The following NKAIN3 variants were observed in gnomAD, a reference collection of about 807,000 sequenced individuals.
The protein encoded by NKAIN3 is sodium/potassium transporting ATPase interacting 3.
A neutral mutation model predicts 30.2 loss-of-function variants in NKAIN3; 25 were observed. That is an observed-to-expected ratio of 0.83 (90% CI 0.60 to 1.16). The LOEUF is 1.16. Among genes scored for constraint, NKAIN3 ranks in the 50% most tolerant of loss-of-function variants. NKAIN3 has a pLI of 0.00. For synonymous variants in NKAIN3, 91 were observed against 89.6 expected (o/e 1.02, Z -0.09); for missense variants, 225 against 254.1 (o/e 0.89, Z 0.78).
At chr8:62,534,365 C>A (rs933592073) in intron 1 of NKAIN3, among the ~76,000 whole-genome samples, 1 of 152,128 alleles carries the variant, frequency 6.6e-6, no homozygotes, top group Non-Finnish European at 1.5e-5. Context: ...ACAGGTCACC[C>A]GCTGAGCTGA....
intron 1 of NKAIN3, among the ~76,000 whole-genome samples, chr8:62,373,976 G>T (rs1187703952): frequency 1.3e-5 from 2 of 151,810 alleles, no homozygotes; most frequent in African/African-American, 4.8e-5. Context: ...AGCCAGGCGT[G>T]GTGGCAGGCG....
chr8:62,890,681 GA>G (rs1397224104), intron 4 of NKAIN3, among the ~76,000 whole-genome samples: 2 of 152,152 alleles, frequency 1.3e-5, no homozygotes, highest in African/African-American at 2.4e-5. Context: ...CTCTTGGAAT[GA>G]ACCTGCTTGC....
At chr8:62,853,856 T>G (rs1819984535) in intron 4 of NKAIN3, among the ~76,000 whole-genome samples, 1 of 152,180 alleles carries the variant, frequency 6.6e-6, no homozygotes, top group Non-Finnish European at 1.5e-5. Flanking sequence ...ATTTCTCTCT[T>G]GACACTGCTT....
intron 5 of NKAIN3, among the ~76,000 whole-genome samples, chr8:62,943,752 A>G (rs1339390607): frequency 6.8e-6 from 1 of 147,928 alleles, no homozygotes. Context: ...ATTTATATTT[A>G]TATGATATAT....
At chr8:62,310,484 G>A (rs1289417985) in intron 1 of NKAIN3, among the ~76,000 whole-genome samples, 1 of 150,630 alleles carries the variant, frequency 6.6e-6, no homozygotes, top group East Asian at 1.9e-4. Flanking sequence ...TATTTAGAAC[G>A]TAATGTGTAT....
chr8:62,640,282 C>T (rs1812268733), intron 3 of NKAIN3, among the ~76,000 whole-genome samples: 1 of 151,958 alleles, frequency 6.6e-6, no homozygotes, highest in South Asian at 2.1e-4. Flanking sequence ...GGCGGTTTCC[C>T]CCATGCTCTT....
At chr8:62,601,634 A>C (rs1033822151) in intron 3 of NKAIN3, among the ~76,000 whole-genome samples, 5 of 152,076 alleles carry the variant, frequency 3.3e-5, no homozygotes, top group Non-Finnish European at 7.4e-5. Flanking sequence ...TGGTGGTGGT[A>C]GTGGCTGTGA....
chr8:62,917,703 A>G (rs1822150109), intron 4 of NKAIN3, among the ~76,000 whole-genome samples: 1 of 152,178 alleles, frequency 6.6e-6, no homozygotes, highest in Admixed American at 6.5e-5. Flanking sequence ...TATTTTTCAT[A>G]CCTATTGAAG....
At chr8:62,479,921 T>A (rs1331957447) in intron 1 of NKAIN3, among the ~76,000 whole-genome samples, 1 of 152,138 alleles carries the variant, frequency 6.6e-6, no homozygotes, top group East Asian at 1.9e-4. Flanking sequence ...GGTAAAAGAA[T>A]AGGAAAAAAT....
rs145331737 is a variant in NKAIN3, at chr8:62,316,931, G to A, written c.54+67804G>A. Among the ~76,000 whole-genome samples, 1,291 of 152,192 alleles carry A rather than the reference G, an allele frequency of 8.5e-3. 24 individuals carry two copies. The highest frequency in any genetic ancestry group is 0.035 in the Admixed American group (541 of 15,290). ...TTCTTATTTCCCCACATCCTTTCCA[G>A]CACCTGTTGTTTCCTGACTTTTTAA... On this transcript the variant is annotated intron_variant, in intron 1 of 6. Coordinates refer to ENST00000623646, the MANE Select transcript of NKAIN3 (RefSeq NM_001304533.3).
At chr8:62,623,289 A>G (rs535123585) in intron 3 of NKAIN3, among the ~76,000 whole-genome samples, 16 of 152,210 alleles carry the variant, frequency 1.1e-4, no homozygotes, top group African/African-American at 3.8e-4. Flanking sequence ...TAAACAACCT[A>G]AGATCAGGAA....
intron 3 of NKAIN3, among the ~76,000 whole-genome samples, chr8:62,599,935 A>T (rs2130142374): frequency 6.6e-6 from 1 of 152,120 alleles, no homozygotes; most frequent in South Asian, 2.1e-4. Flanking sequence ...AAGTTACAAG[A>T]CTTGAAATAA....
At chr8:62,353,589 G>T (rs761729361) in intron 1 of NKAIN3, among the ~76,000 whole-genome samples, 2 of 152,014 alleles carry the variant, frequency 1.3e-5, no homozygotes, top group African/African-American at 4.8e-5. Context: ...TTATAGCCTC[G>T]CCTATTTCAC....
At chr8:62,989,595 G>A (rs997720390), downstream of NKAIN3, among the ~76,000 whole-genome samples, 1 of 152,116 alleles carries the variant, frequency 6.6e-6, no homozygotes, top group African/African-American at 2.4e-5. Context: ...AATCTAAGAT[G>A]AGATTTGGGT....
intron 3 of NKAIN3, among the ~76,000 whole-genome samples, chr8:62,637,373 T>C (rs1049309188): frequency 5.9e-5 from 9 of 152,222 alleles, no homozygotes; most frequent in Middle Eastern, 6.8e-3. Flanking sequence ...CTGGACCAGG[T>C]GGTTTTGCTC....
chr8:62,973,600 C>G lies in NKAIN3; in HGVS notation c.*8193C>G, dbSNP rs1222675810. 1.3e-5 allele frequency among the ~76,000 whole-genome samples: 2 copies of G among 151,078 alleles called. No individual in the cohort carries two copies. Among genetic ancestry groups the G allele is most frequent in the African/African-American group, 2.4e-5 (1 of 41,178 alleles). ...GATGGATAGGTTGCAAAAATTTTCTCCCATTCTGTAGGTTGCCTGTTCACT... is the reference window on the plus strand; with the variant it reads ...GATGGATAGGTTGCAAAAATTTTCTGCCATTCTGTAGGTTGCCTGTTCACT... On this transcript the variant is annotated 3_prime_UTR_variant, in exon 7 of 7. Coordinates refer to ENST00000623646, the MANE Select transcript of NKAIN3 (RefSeq NM_001304533.3).
chr8:62,751,604 T>G (rs946430211), intron 4 of NKAIN3, among the ~76,000 whole-genome samples: 10 of 152,204 alleles, frequency 6.6e-5, no homozygotes, highest in Non-Finnish European at 1.2e-4. Context: ...TTATCAGTAC[T>G]CAATGTATCA....
At chr8:62,883,884 C>A (rs1169776924) in intron 4 of NKAIN3, among the ~76,000 whole-genome samples, 2 of 151,918 alleles carry the variant, frequency 1.3e-5, no homozygotes, top group African/African-American at 4.8e-5. Context: ...TTCCTAGTTT[C>A]TTCTCACTTC....
chr8:62,924,706 C>T (rs1822387574), intron 5 of NKAIN3, among the ~76,000 whole-genome samples: 1 of 152,170 alleles, frequency 6.6e-6, no homozygotes. Flanking sequence ...TTCTGGGCTG[C>T]TATATCAGAA....
Sources: gnomAD v4.1 joint callset for allele counts (sites outside exome capture counted in the v4.1 genomes callset) on GRCh38, gnomAD v4.1.1 for gene constraint, MANE v1.5 for transcripts, NCBI Gene and HGNC (gene_info 2026-07-23, HGNC 2026-07-21) for gene names.